AHNAK2: variants seen among roughly 807,000 people sequenced by gnomAD.
AHNAK2 encodes the protein AHNAK nucleoprotein 2.
In AHNAK2, 18 loss-of-function variants were observed where a neutral mutation model predicts 30.7. The ratio of observed to expected loss-of-function variants is 0.59; its 90% CI spans 0.41 to 0.87. The LOEUF (loss-of-function observed/expected upper bound fraction) is 0.87. Among genes scored for constraint, AHNAK2 ranks in the 40% least tolerant of loss-of-function variants. The pLI is 0.00. For synonymous variants in AHNAK2, 3,590 were observed against 3,073.8 expected (o/e 1.17, Z -5.56); for missense variants, 8,604 against 7,373.0 (o/e 1.17, Z -6.11).
Position 104,945,432 on chromosome 14 carries a change from G to T in AHNAK2, c.10019C>A (p.Ala3340Asp). The T allele has an allele frequency of 6.2e-7, 1 of 1,613,414 alleles. No individual in the cohort carries two copies. Among genetic ancestry groups the T allele is most frequent in the Non-Finnish European group, 8.5e-7 (1 of 1,179,686 alleles). Residue 3340 changes from alanine (A) to aspartate (D), a missense_variant, in exon 7 of 7, where the codon GCC becomes GAC. Coordinates refer to ENST00000333244, the MANE Select transcript of AHNAK2 (RefSeq NM_138420.4). ...SVDVSAPKAEADVSLPSMQGD... is the reference protein window; with the variant it reads ...SVDVSAPKAEDDVSLPSMQGD... ...CTGCATGGAGGGGAGGCTCACGTCG[G>T]CCTCCGCCTTCGGCGCAGACACATC...
chr14:104,947,888 G>A lies in AHNAK2; in HGVS notation c.7563C>T (p.Ser2521=), dbSNP rs544500730. 1.2e-6 allele frequency: 2 copies of A among 1,612,784 alleles called. No individual in the cohort carries two copies. Among genetic ancestry groups the A allele is most frequent in the Non-Finnish European group, 1.7e-6 (2 of 1,179,608 alleles). The change falls in exon 7 of 7, where the codon TCC becomes TCT. Residue 2521 remains serine, a synonymous_variant. Transcript: ENST00000333244. ...CAGTGGCCTTGAGGTCCCCCTGCAT[G>A]GAGGAGAGGCTCCCGTCGGCCTCCA... is the stretch of plus-strand genomic sequence containing the variant. The part of the protein sequence containing the change: ...PKVEADGSLS[S]MQGDLKATDL...
At chr14:104,965,087 T>C (rs1899261923) in intron 1 of AHNAK2, among the ~76,000 whole-genome samples, 1 of 152,196 alleles carries the variant, frequency 6.6e-6, no homozygotes, top group Non-Finnish European at 1.5e-5. Flanking sequence ...GCTCATCAGC[T>C]ATCATTAGTG....
rs1899467824 is a variant in AHNAK2 at position 104,971,411 on chromosome 14, G to A, written c.55+6772C>T. On this transcript the variant is annotated intron_variant, in intron 1 of 6. Coordinates refer to ENST00000333244, the MANE Select transcript of AHNAK2 (RefSeq NM_138420.4). ...GCTGCAGGCACACACCAGCACGCCT[G>A]GCTAATTTTTAAATTTTTTGTAGAG... 2.0e-5 allele frequency among the ~76,000 whole-genome samples: 3 copies of A among 152,136 alleles called. No individual in the cohort carries two copies. In the East Asian group the frequency reaches 5.8e-4, roughly 29 times the overall value.
At position 104,954,038 on chromosome 14, in the gene AHNAK2, G is replaced by A. The variant is rs376099003; in HGVS notation, c.1413C>T (p.Thr471=). Residue 471 remains threonine, a synonymous_variant, in exon 7 of 7, where the codon ACC becomes ACT. Coordinates refer to ENST00000333244, the MANE Select transcript of AHNAK2 (RefSeq NM_138420.4). The surrounding 1 kb of genome is among the most constrained non-coding windows in gnomAD (Gnocchi z 4.3). The part of the protein sequence containing the change: ...GIARLSLRDT[T]EGGTQIGPPE... ...GTGGGCCAATCTGTGTGCCTCCTTC[G>A]GTTGTGTCTCTCAAGGACAGTCTGG... 3.0e-5 allele frequency: 49 copies of A among 1,613,432 alleles called. No individual in the cohort carries two copies. The highest frequency in any genetic ancestry group is 2.0e-4 in the East Asian group (9 of 44,892).
At position 104,941,348 on chromosome 14, in the gene AHNAK2, T is replaced by G; in HGVS notation, c.14103A>C (p.Lys4701Asn). 1.2e-6 allele frequency: 2 copies of G among 1,613,486 alleles called. No individual in the cohort carries two copies. The highest frequency in any genetic ancestry group is 1.7e-6 in the Non-Finnish European group (2 of 1,179,882). ...GEVGMDSKFKKLHFKVPKVSF... is the reference protein window; with the variant it reads ...GEVGMDSKFKNLHFKVPKVSF... ...AAACTTTGGGCACTTTAAAATGCAG[T>G]TTCTTAAACTTCGAATCCATTCCAA... Residue 4701 changes from lysine to asparagine, a missense_variant, in exon 7 of 7, where the codon AAA becomes AAC. Coordinates refer to ENST00000333244, the MANE Select transcript of AHNAK2 (RefSeq NM_138420.4).
At chr14:104,955,842 T>C (rs1898957438) in intron 4 of AHNAK2, among the ~76,000 whole-genome samples, 1 of 152,226 alleles carries the variant, frequency 6.6e-6, no homozygotes, top group African/African-American at 2.4e-5. Context: ...GCCAGAACTC[T>C]TGTCCCCACC....
chr14:104,944,454 G>C lies in AHNAK2; in HGVS notation c.10997C>G (p.Pro3666Arg). 1 of 1,613,050 alleles carries C rather than the reference G, an allele frequency of 6.2e-7. No individual in the cohort carries two copies. Among genetic ancestry groups the C allele is most frequent in the Non-Finnish European group, 8.5e-7 (1 of 1,179,600 alleles). Residue 3666 changes from proline to arginine, a missense_variant, in exon 7 of 7, where the codon CCC becomes CGC. Pro to Arg is a moderately radical substitution (Grantham distance 103, BLOSUM62 -2). Coordinates refer to ENST00000333244, the MANE Select transcript of AHNAK2 (RefSeq NM_138420.4). Reference sequence around the variant, plus strand: ...GAGACTCACATCGGCTTCCACCTTGGGTGCAGACACATCCACCGAGGCCTC... The same window carrying C: ...GAGACTCACATCGGCTTCCACCTTGCGTGCAGACACATCCACCGAGGCCTC... Reference protein sequence around the residue: ...SMEASVDVSAPKVEADVSLPS... With the variant: ...SMEASVDVSARKVEADVSLPS...
rs1222670511 is a variant in AHNAK2 at position 104,952,642 on chromosome 14, C to G, written c.2809G>C (p.Asp937His). The change falls in exon 7 of 7, where the codon GAT becomes CAT. Residue 937 changes from aspartate (D) to histidine (H), a missense_variant. Transcript: ENST00000333244. ...PKVDLKGPQI[D>H]VKGPKLDLKG... The stretch of plus-strand genomic sequence containing the variant: ...AGGTCCAGCTTGGGGCCCTTAACAT[C>G]TATCTGGGGGCCCTTGAGGTCCACT... The G allele has an allele frequency of 3.7e-6, 6 of 1,611,960 alleles. No homozygotes were observed. Among genetic ancestry groups the G allele is most frequent in the Non-Finnish European group, 5.1e-6 (6 of 1,179,428 alleles).
rs373803917 is a variant in AHNAK2, at chr14:104,942,697, C to A, written c.12754G>T (p.Val4252Leu). 14 of 1,613,562 alleles carry A rather than the reference C, an allele frequency of 8.7e-6. No homozygotes were observed. In the South Asian group the frequency reaches 1.3e-4, roughly 15 times the overall value. Residue 4252 changes from valine (V) to leucine (L), a missense_variant, in exon 7 of 7, where the codon GTG (valine) becomes TTG (leucine). Val to Leu is a conservative substitution (Grantham distance 32). Transcript: ENST00000333244. ...GACACCTCCACGACGGGGGTCATCA[C>A]ATCCGCCTTGGGGCCTTTCAGGTCC... Reference protein sequence around the residue: ...KLDLKGPKADVMTPVVEVSLP... With the variant: ...KLDLKGPKADLMTPVVEVSLP...
Position 104,951,313 on chromosome 14 carries a change from G to A in AHNAK2, c.4138C>T (p.Pro1380Ser), listed in dbSNP as rs199548308. Residue 1380 changes from proline (P) to serine (S), a missense_variant, in exon 7 of 7, where the codon CCC (proline) becomes TCC (serine). Physicochemically the swap from Pro to Ser is moderately conservative, Grantham distance 74. Coordinates refer to ENST00000333244, the MANE Select transcript of AHNAK2 (RefSeq NM_138420.4). Reference sequence around the variant, plus strand: ...TGGAGCTCCAGGTCAGTGGAAGGGGGCTGAATGCTGAGGTCAGTGGTCTTG... The same window carrying A: ...TGGAGCTCCAGGTCAGTGGAAGGGGACTGAATGCTGAGGTCAGTGGTCTTG... ...DLKTTDLSIQ[P>S]PSTDLELQAG... 87 of 1,064,246 alleles carry A rather than the reference G, an allele frequency of 8.2e-5. 12 individuals carry two copies. The highest frequency in any genetic ancestry group is 8.1e-4 in the East Asian group (34 of 42,226). The allele number at this position is 1,064,246 out of a possible 1,614,324, so 65.9% of individuals were successfully genotyped here.
In AHNAK2 at chr14:104,940,092, A is replaced by AGGTCAGCTTCAGGCT. The variant is rs1168973007; in HGVS notation, c.15344_15358dup (p.Gln5115_Asp5119dup). On this transcript the variant is annotated inframe_insertion, in exon 7 of 7. Transcript: ENST00000333244. This position sits in a 1 kb window ranked among gnomAD's most constrained non-coding sequence, Gnocchi z 4.4. ...AGACAGATCATGTTTGGGAAGAGGCAGGTCAGCTTCAGGCTGGCTCACCTC... is the reference window on the plus strand; with the variant it reads ...AGACAGATCATGTTTGGGAAGAGGCAGGTCAGCTTCAGGCTGGTCAGCTTCAGGCTGGCTCACCTC... 3.1e-6 allele frequency: 5 copies of AGGTCAGCTTCAGGCT among 1,613,182 alleles called. No homozygotes were observed. In the Admixed American group the frequency reaches 8.3e-5, roughly 27 times the overall value.
Position 104,948,882 on chromosome 14 carries a change from G to T in AHNAK2, c.6569C>A (p.Pro2190His). The change falls in exon 7 of 7, where the codon CCC becomes CAC. Residue 2190 changes from proline to histidine, a missense_variant. Physicochemically the swap from Pro to His is moderately conservative, Grantham distance 77. Coordinates refer to ENST00000333244, the MANE Select transcript of AHNAK2 (RefSeq NM_138420.4). Reference sequence around the variant, plus strand: ...GGTCTTGAGGTCCCCCTGCATGGAGGGGAGACTCATGTCGGCCTCCACCTT... The same window carrying T: ...GGTCTTGAGGTCCCCCTGCATGGAGTGGAGACTCATGTCGGCCTCCACCTT... ...PPKVEADMSL[P>H]SMQGDLKTTD... is the part of the protein sequence containing the mutation. 2 of 1,609,212 alleles carry T rather than the reference G, an allele frequency of 1.2e-6. No individual in the cohort carries two copies. The highest frequency in any genetic ancestry group is 3.4e-5 in the Admixed American group (2 of 59,608).
In AHNAK2 at chr14:104,946,632, G is replaced by C. The variant is rs371830490; in HGVS notation, c.8819C>G (p.Ser2940Cys). ...AEVTAPDVEV[S>C]LPSVEVDVEA... ...GACGTCCACCTCCACGCTGGGCAGAGACACCTCCACGTCGGGGGCCGTCAC... is the reference window on the plus strand; with the variant it reads ...GACGTCCACCTCCACGCTGGGCAGACACACCTCCACGTCGGGGGCCGTCAC... The change falls in exon 7 of 7, where the codon TCT becomes TGT. Residue 2940 changes from serine to cysteine, a missense_variant. Coordinates refer to ENST00000333244, the MANE Select transcript of AHNAK2 (RefSeq NM_138420.4). The C allele has an allele frequency of 3.1e-6, 5 of 1,612,650 alleles. No homozygotes were observed. Among genetic ancestry groups the C allele is most frequent in the Non-Finnish European group, 4.2e-6 (5 of 1,179,658 alleles).
Position 104,945,548 on chromosome 14 carries a change from C to G in AHNAK2, c.9903G>C (p.Val3301=), listed in dbSNP as rs566381757. The G allele has an allele frequency of 1.9e-6, 3 of 1,611,798 alleles. No homozygotes were observed. The South Asian group carries it at 3.3e-5, about 18-fold the overall frequency. ...TTTTGAACTTGCTGTCTTTGGCAGTCACATCCTTGTCGGCCAGGGACAGGT... is the reference window on the plus strand; with the variant it reads ...TTTTGAACTTGCTGTCTTTGGCAGTGACATCCTTGTCGGCCAGGGACAGGT... ...EGDLSLADKD[V]TAKDSKFKMP... Residue 3301 remains valine (V), a synonymous_variant, in exon 7 of 7, where the codon GTG becomes GTC. Transcript: ENST00000333244.
chr14:104,954,731 C>T lies in AHNAK2; in HGVS notation c.720G>A (p.Glu240=), dbSNP rs1225941490. 2 of 1,609,924 alleles carry T rather than the reference C, an allele frequency of 1.2e-6. No homozygotes were observed. The highest frequency in any genetic ancestry group is 2.7e-5 in the African/African-American group (2 of 74,744). ...CCACCCTTGGTTTGGAGATGAGTCT[C>T]TCTTGGTCCCCATCTCCTTCCAGAG... is the stretch of plus-strand genomic sequence containing the variant. ...TKTLEGDGDQ[E]RLISKPRVGR... The change falls in exon 7 of 7, where the codon GAG becomes GAA. Residue 240 remains glutamate, a synonymous_variant. Transcript: ENST00000333244. This position sits in a 1 kb window ranked among gnomAD's most constrained non-coding sequence, Gnocchi z 4.3.
Position 104,950,725 on chromosome 14 carries a change from G to A in AHNAK2, c.4726C>T (p.Leu1576=), listed in dbSNP as rs192302988. The A allele has an allele frequency of 8.1e-4, 1,288 of 1,587,388 alleles. 63 individuals carry two copies. The African/African-American group carries it at 0.013, about 16-fold the overall frequency. The change falls in exon 7 of 7, where the codon CTG becomes TTG. Residue 1576 remains leucine (L), a synonymous_variant. Transcript: ENST00000333244. ...VSEGAGLKGH[L]PKVQMPSFKM... The stretch of plus-strand genomic sequence containing the variant: ...AAACTGGGCATCTGCACTTTGGGCA[G>A]GTGCCCTTTGAGGCCGGCTCCCTCG...
chr14:104,947,164 G>A lies in AHNAK2; in HGVS notation c.8287C>T (p.Pro2763Ser). ...VKGPNVDLKG[P>S]KAEVTAPDVK... is the part of the protein sequence containing the mutation. ...TCGGGGGCTGTCACTTCCGCCTTGG[G>A]GCCTTTCAGGTCCACGTTGGGGCCC... is the stretch of plus-strand genomic sequence containing the variant. Residue 2763 changes from proline to serine, a missense_variant, in exon 7 of 7, where the codon CCC becomes TCC. Pro to Ser is a moderately conservative substitution (Grantham distance 74, BLOSUM62 -1). Coordinates refer to ENST00000333244, the MANE Select transcript of AHNAK2 (RefSeq NM_138420.4). 6.2e-7 allele frequency: 1 copy of A among 1,612,002 alleles called. No individual in the cohort carries two copies. Among genetic ancestry groups the A allele is most frequent in the Non-Finnish European group, 8.5e-7 (1 of 1,179,516 alleles).
intron 3 of AHNAK2, 85 bp from the exon 4 acceptor site, chr14:104,956,774 G>C: frequency 7.5e-7 from 1 of 1,341,564 alleles, no homozygotes; most frequent in South Asian, 1.2e-5. Context: ...CAGACCAGGA[G>C]CCCTCCCTTC....
Position 104,939,153 on chromosome 14 carries a change from C to G in AHNAK2, c.16298G>C (p.Gly5433Ala), listed in dbSNP as rs767309600. 1 of 1,611,824 alleles carries G rather than the reference C, an allele frequency of 6.2e-7. No homozygotes were observed. Among genetic ancestry groups the G allele is most frequent in the Non-Finnish European group, 8.5e-7 (1 of 1,179,120 alleles). ...ALCKESPGLW[G>A]ASILKAGAGV... is the part of the protein sequence containing the mutation. The stretch of plus-strand genomic sequence containing the variant: ...AGCACCTGCCTTCAGGATGCTGGCT[C>G]CCCAGAGCCCCGGACTTTCCTTACA... Residue 5433 changes from glycine (G) to alanine (A), a missense_variant, in exon 7 of 7, where the codon GGA (glycine) becomes GCA (alanine). By Grantham distance (60) the Gly-to-Ala change is moderately conservative (BLOSUM62 0). Transcript: ENST00000333244.
Sources: gnomAD v4.1 joint callset for allele counts (sites outside exome capture counted in the v4.1 genomes callset) on GRCh38, gnomAD v4.1.1 for gene constraint, Gnocchi (gnomAD v3.1) non-coding constraint, MANE v1.5 for transcripts, NCBI Gene and HGNC (gene_info 2026-07-23, HGNC 2026-07-21) for gene names.